Variants in TCAIM observed in about 807,000 individuals in gnomAD.
TCAIM encodes the protein T cell activation inhibitor, mitochondrial.
A neutral mutation model predicts 58.6 loss-of-function variants in TCAIM; 36 were observed. The ratio of observed to expected loss-of-function variants is 0.61; its 90% CI spans 0.47 to 0.81. The LOEUF (loss-of-function observed/expected upper bound fraction) is 0.81. Among genes scored for constraint, TCAIM ranks in the 30% least tolerant of loss-of-function variants. TCAIM has a pLI of 0.00. For missense variants in TCAIM, 466 were observed against 579.6 expected, an observed-to-expected ratio of 0.80 and a Z score of 2.01; for synonymous variants, 172 against 193.6, an observed-to-expected ratio of 0.89 and a Z score of 0.93.
At chr3:44,387,946 A>T (rs1211275657) in intron 5 of TCAIM, among the ~76,000 whole-genome samples, 1 of 152,118 alleles carries the variant, frequency 6.6e-6, no homozygotes, top group African/African-American at 2.4e-5. Context: ...GAAATAATAT[A>T]AAGAAGTCCC....
At chr3:44,392,785 T>A (rs930386521) in intron 5 of TCAIM, 70 bp from the exon 6 acceptor site, 7 of 1,425,872 alleles carry the variant, frequency 4.9e-6, no homozygotes, top group African/African-American at 4.3e-5. Flanking sequence ...AGTGCATGCA[T>A]GTGTCTTTTA....
At chr3:44,354,047 G>A (rs1701145543) in intron 1 of TCAIM, among the ~76,000 whole-genome samples, 1 of 152,092 alleles carries the variant, frequency 6.6e-6, no homozygotes, top group African/African-American at 2.4e-5. Flanking sequence ...GAGTTTTATA[G>A]CATTTTATAT....
At chr3:44,343,377 C>A (rs1180102949) in intron 1 of TCAIM, among the ~76,000 whole-genome samples, 3 of 151,952 alleles carry the variant, frequency 2.0e-5, no homozygotes, top group Non-Finnish European at 4.4e-5. Flanking sequence ...TCAGCACAAT[C>A]CAATAAAAAT....
intron 3 of TCAIM, chr3:44,358,515 C>A: frequency 2.2e-6 from 1 of 457,294 alleles, no homozygotes. Flanking sequence ...TGTCATTATT[C>A]CCTGAACAAC....
At chr3:44,393,709 G>A (rs1178577395) in intron 6 of TCAIM, among the ~76,000 whole-genome samples, 1 of 152,010 alleles carries the variant, frequency 6.6e-6, no homozygotes, top group Non-Finnish European at 1.5e-5. Context: ...GATCACTTGA[G>A]GCCAGGAGTT....
chr3:44,379,141 T>C (rs1456120249), intron 5 of TCAIM, among the ~76,000 whole-genome samples: 1 of 151,820 alleles, frequency 6.6e-6, no homozygotes, highest in African/African-American at 2.4e-5. Flanking sequence ...TGAGCCAAGA[T>C]TGTGCCGTTG....
At chr3:44,373,772 A>G (rs755522645) in intron 5 of TCAIM, among the ~76,000 whole-genome samples, 5 of 152,200 alleles carry the variant, frequency 3.3e-5, no homozygotes, top group African/African-American at 7.2e-5. Context: ...CGTGTTGTCA[A>G]TTTTTGTATT....
intron 1 of TCAIM, among the ~76,000 whole-genome samples, chr3:44,346,823 A>G (rs961426493): frequency 1.3e-5 from 2 of 152,222 alleles, no homozygotes; most frequent in African/African-American, 2.4e-5. Context: ...CTCTTGTGTA[A>G]GAATTCTGAC....
Position 44,392,936 on chromosome 3 carries a change from A to G in TCAIM, c.654A>G (p.Leu218=). 1.9e-6 allele frequency: 3 copies of G among 1,613,388 alleles called. No individual in the cohort carries two copies. Among genetic ancestry groups the G allele is most frequent in the Non-Finnish European group, 2.5e-6 (3 of 1,179,568 alleles). ...SLPLRKELDR[L]KDELSHQLQL... ...CACTTAGAAAAGAACTAGATCGTTT[A>G]AAAGATGAACTGTCTCATCAATTGC... is the stretch of plus-strand genomic sequence containing the variant. The change falls in exon 6 of 11, where the codon TTA becomes TTG. Residue 218 remains leucine (L), a synonymous_variant. Transcript: ENST00000342649.
intron 5 of TCAIM, among the ~76,000 whole-genome samples, chr3:44,371,192 A>C (rs1373275990): frequency 6.6e-6 from 1 of 151,690 alleles, no homozygotes. Flanking sequence ...GATTACAGGC[A>C]TGAGCCACCG....
At chr3:44,338,497 C>T (rs114138723), upstream of TCAIM, 1,747 of 152,612 alleles carry the variant, frequency 0.011, 38 homozygotes, top group African/African-American at 0.04. Flanking sequence ...TCACCTGCAG[C>T]TCGTCCCCCT....
In TCAIM at chr3:44,386,929, G is replaced by A. The variant is rs112125202; in HGVS notation, c.573-5926G>A. Among the ~76,000 whole-genome samples, 867 of 152,316 alleles carry A rather than the reference G, an allele frequency of 5.7e-3. 3 individuals carry two copies. The highest frequency in any genetic ancestry group is 0.017 in the Middle Eastern group (5 of 294). ...CTTCAAGCCAGGAACAGCCTGAAGCGTGGGGACTGGGCTGCCGGTTCCAGG... is the reference window on the plus strand; with the variant it reads ...CTTCAAGCCAGGAACAGCCTGAAGCATGGGGACTGGGCTGCCGGTTCCAGG... On this transcript the variant is annotated intron_variant, in intron 5 of 10. Coordinates refer to ENST00000342649, the MANE Select transcript of TCAIM (RefSeq NM_173826.4).
intron 1 of TCAIM, among the ~76,000 whole-genome samples, chr3:44,350,437 CT>C (rs34725315): frequency 1.5e-3 from 224 of 145,400 alleles, no homozygotes; most frequent in Non-Finnish European, 1.3e-3. Context: ...CATTTTCTTT[CT>C]TTTTTTTTTT....
intron 6 of TCAIM, among the ~76,000 whole-genome samples, chr3:44,393,713 A>T (rs1266881802): frequency 6.6e-6 from 1 of 152,148 alleles, no homozygotes; most frequent in Non-Finnish European, 1.5e-5. Context: ...ACTTGAGGCC[A>T]GGAGTTTGAG....
chr3:44,359,994 T>C (rs1275399318), intron 3 of TCAIM, among the ~76,000 whole-genome samples: 1 of 152,180 alleles, frequency 6.6e-6, no homozygotes, highest in African/African-American at 2.4e-5. Context: ...GTTTAGAGCA[T>C]CCTTTTCCCA....
chr3:44,398,253 G>A (rs772107918), intron 8 of TCAIM, among the ~76,000 whole-genome samples: 18 of 151,862 alleles, frequency 1.2e-4, no homozygotes, highest in Non-Finnish European at 2.1e-4. Flanking sequence ...GTAAAACGCC[G>A]TCTCTACTAA....
chr3:44,339,763 T>G (rs568308841), intron 1 of TCAIM: 1 of 152,326 alleles, frequency 6.6e-6, no homozygotes, highest in East Asian at 1.9e-4. Flanking sequence ...TGGGAGTTTC[T>G]CATATTCTGT....
rs144604929 is a variant in TCAIM at position 44,357,616 on chromosome 3, A to G, written c.30-125A>G. 598 of 1,267,312 alleles carry G rather than the reference A, an allele frequency of 4.7e-4. 1 individual carries two copies. The African/African-American group carries it at 7.7e-3, about 16-fold the overall frequency. The allele number at this position is 1,267,312 out of a possible 1,614,324, so 78.5% of individuals were successfully genotyped here. A position where few individuals can be genotyped will look rare whatever the true frequency, so the allele number is the denominator to read the frequency against. ...CTTGTAAAACTAATAGATTTCAGAAAACCACAAAGTATCTATCTTGTTTCT... is the reference window on the plus strand; with the variant it reads ...CTTGTAAAACTAATAGATTTCAGAAGACCACAAAGTATCTATCTTGTTTCT... On this transcript the variant is annotated intron_variant, in intron 2 of 10. Coordinates refer to ENST00000342649, the MANE Select transcript of TCAIM (RefSeq NM_173826.4).
rs561278620 is a variant in TCAIM, at chr3:44,378,114, C to T, written c.572+10406C>T. Reference sequence around the variant, plus strand: ...ACTTACAAACTGCTGGGTGCGGTGGCTCACACCTGTAATCCCAGCACTTTG... The same window carrying T: ...ACTTACAAACTGCTGGGTGCGGTGGTTCACACCTGTAATCCCAGCACTTTG... On this transcript the variant is annotated intron_variant, in intron 5 of 10. Coordinates refer to ENST00000342649, the MANE Select transcript of TCAIM (RefSeq NM_173826.4). Among the ~76,000 whole-genome samples, 27 of 152,316 alleles carry T rather than the reference C, an allele frequency of 1.8e-4. 2 individuals carry two copies. The South Asian group carries it at 5.6e-3, about 32-fold the overall frequency.
Sources: gnomAD v4.1 joint callset for allele counts (sites outside exome capture counted in the v4.1 genomes callset) on GRCh38, gnomAD v4.1.1 for gene constraint, MANE v1.5 for transcripts, NCBI Gene and HGNC (gene_info 2026-07-23, HGNC 2026-07-21) for gene names.